Variants in PIBF1 observed in about 807,000 individuals in gnomAD.
The protein encoded by PIBF1 is progesterone-induced-blocking factor 1.
A neutral mutation model predicts 112.5 loss-of-function variants in PIBF1; 90 were observed. The observed-to-expected ratio is 0.80, with a 90% CI of 0.67 to 0.95. The LOEUF (loss-of-function observed/expected upper bound fraction) is 0.95. Among genes scored for constraint, PIBF1 ranks in the 40% least tolerant of loss-of-function variants. The pLI is 0.00. For synonymous variants in PIBF1, 301 were observed against 288.6 expected (o/e 1.04, Z -0.44); for missense variants, 915 against 852.3 (o/e 1.07, Z -0.92).
At chr13:72,806,585 A>G (rs1366869360) in intron 5 of PIBF1, among the ~76,000 whole-genome samples, 1 of 151,652 alleles carries the variant, frequency 6.6e-6, no homozygotes, top group East Asian at 1.9e-4. Context: ...AAGTGTTCTC[A>G]TTGTTCACCT....
chr13:72,812,951 C>A lies in PIBF1; in HGVS notation c.673-8898C>A, dbSNP rs143677636. ...CCTGTGTAAGAGTGAGACTCCGCCT[C>A]AAAAAAAAGAAAGAAAAAAGAAAAG... On this transcript the variant is annotated intron_variant, in intron 5 of 17. Transcript: ENST00000326291. 7.6e-3 allele frequency among the ~76,000 whole-genome samples: 1,149 copies of A among 150,584 alleles called. 14 individuals are homozygous for A. Among genetic ancestry groups the A allele is most frequent in the Middle Eastern group, 0.014 (4 of 294 alleles).
At chr13:72,877,806 G>A (rs1341433946) in intron 10 of PIBF1, among the ~76,000 whole-genome samples, 2 of 149,756 alleles carry the variant, frequency 1.3e-5, no homozygotes, top group African/African-American at 4.9e-5. Context: ...CTGGAGTACA[G>A]TGGCACAATC....
At chr13:72,838,075 T>A (rs2037439841) in intron 9 of PIBF1, among the ~76,000 whole-genome samples, 1 of 152,214 alleles carries the variant, frequency 6.6e-6, no homozygotes, top group South Asian at 2.1e-4. Context: ...TATACACCTA[T>A]TAAATGCTAA....
intron 16 of PIBF1, among the ~76,000 whole-genome samples, chr13:72,987,873 T>A (rs1594323121): frequency 8.5e-6 from 1 of 117,086 alleles, no homozygotes; most frequent in Non-Finnish European, 1.8e-5. Context: ...TTTTTTTTTT[T>A]TTTTTTTTGA....
chr13:72,927,162 G>A (rs929597039), intron 13 of PIBF1, among the ~76,000 whole-genome samples: 1 of 151,082 alleles, frequency 6.6e-6, no homozygotes, highest in African/African-American at 2.4e-5. Flanking sequence ...TCTGCCTCCC[G>A]GGTTCAATAG....
At chr13:72,995,073 G>T (rs1347096576) in intron 16 of PIBF1, among the ~76,000 whole-genome samples, 1 of 152,024 alleles carries the variant, frequency 6.6e-6, no homozygotes, top group Non-Finnish European at 1.5e-5. Flanking sequence ...AGGCTGAGGT[G>T]GGTGAATCAT....
intron 13 of PIBF1, among the ~76,000 whole-genome samples, chr13:72,921,048 T>G (rs1172438314): frequency 6.6e-6 from 1 of 152,188 alleles, no homozygotes; most frequent in Non-Finnish European, 1.5e-5. Flanking sequence ...TAGCATTTAA[T>G]TGGAAGGAGA....
At position 72,979,752 on chromosome 13, in the gene PIBF1, C is replaced by A. The variant is rs535076902; in HGVS notation, c.2049+6077C>A. On this transcript the variant is annotated intron_variant, in intron 16 of 17. Transcript: ENST00000326291. Reference sequence around the variant, plus strand: ...TCCTGGCTAACACAGTGAAACCTGTCCCTACTAAAAATAGAAAAATTTAGC... The same window carrying A: ...TCCTGGCTAACACAGTGAAACCTGTACCTACTAAAAATAGAAAAATTTAGC... Among the ~76,000 whole-genome samples the A allele has an allele frequency of 3.3e-5, 5 of 152,104 alleles. No individual in the cohort carries two copies. The South Asian group carries it at 8.3e-4, about 25-fold the overall frequency.
intron 13 of PIBF1, among the ~76,000 whole-genome samples, chr13:72,928,301 T>C (rs1342710720): frequency 2.6e-5 from 4 of 152,000 alleles, no homozygotes; most frequent in Admixed American, 1.3e-4. Flanking sequence ...AGTATATTTG[T>C]AAGCAATTTG....
chr13:72,886,589 T>C, intron 10 of PIBF1, among the ~76,000 whole-genome samples: 1 of 152,060 alleles, frequency 6.6e-6, no homozygotes. Context: ...TTTGACTTTA[T>C]AAGATGGCCA....
intron 3 of PIBF1, 85 bp from the exon 4 acceptor site, chr13:72,795,274 T>G (rs1008567859): frequency 3.7e-6 from 3 of 819,996 alleles, no homozygotes; most frequent in East Asian, 2.6e-5. Flanking sequence ...TTTCCTAACT[T>G]TATGTTGATA....
At position 72,908,671 on chromosome 13, in the gene PIBF1, A is replaced by G. The variant is rs747511340; in HGVS notation, c.1629A>G (p.Gln543=). The change falls in exon 12 of 18, where the codon CAA becomes CAG. Residue 543 remains glutamine, a synonymous_variant. Coordinates refer to ENST00000326291, the MANE Select transcript of PIBF1 (RefSeq NM_006346.4). The part of the protein sequence containing the change: ...LEKELDEIIM[Q]TAEIENEDEA... Reference sequence around the variant, plus strand: ...AAGAGCTTGATGAAATAATAATGCAAACTGCAGAAAGTAAGTCTTCCCCCA... The same window carrying G: ...AAGAGCTTGATGAAATAATAATGCAGACTGCAGAAAGTAAGTCTTCCCCCA... 6.2e-7 allele frequency: 1 copy of G among 1,612,038 alleles called. No individual in the cohort carries two copies. Among genetic ancestry groups the G allele is most frequent in the African/African-American group, 1.3e-5 (1 of 74,798 alleles).
In PIBF1 at chr13:72,946,455, A is replaced by G. The variant is rs189427119; in HGVS notation, c.1833+15188A>G. ...ATCATTCTGCACCTGGACCCTCCCAAATCTCATGTCCTCATATTTCAAAAC... is the reference window on the plus strand; with the variant it reads ...ATCATTCTGCACCTGGACCCTCCCAGATCTCATGTCCTCATATTTCAAAAC... On this transcript the variant is annotated intron_variant, in intron 14 of 17. Coordinates refer to ENST00000326291, the MANE Select transcript of PIBF1 (RefSeq NM_006346.4). 2.6e-3 allele frequency among the ~76,000 whole-genome samples: 392 copies of G among 152,156 alleles called. 4 individuals carry two copies. Among genetic ancestry groups the G allele is most frequent in the Admixed American group, 6.5e-3 (99 of 15,288 alleles).
intron 15 of PIBF1, among the ~76,000 whole-genome samples, chr13:72,968,059 C>T (rs1040775945): frequency 6.6e-6 from 1 of 151,528 alleles, no homozygotes; most frequent in African/African-American, 2.4e-5. Flanking sequence ...TGGCGGGCGC[C>T]TGTAGTCCCA....
chr13:72,796,559 G>T (rs1234972092), intron 4 of PIBF1, among the ~76,000 whole-genome samples: 1 of 151,956 alleles, frequency 6.6e-6, no homozygotes, highest in Admixed American at 6.6e-5. Flanking sequence ...TGTTTTTGCT[G>T]GAGTGGTGGT....
chr13:72,943,702 C>T (rs1019818169), intron 14 of PIBF1, among the ~76,000 whole-genome samples: 15 of 152,174 alleles, frequency 9.9e-5, no homozygotes, highest in Non-Finnish European at 2.1e-4. Context: ...ACTTTGTTAC[C>T]TTCGTACTCC....
chr13:72,852,208 C>T (rs1594052120), intron 9 of PIBF1, among the ~76,000 whole-genome samples: 1 of 151,730 alleles, frequency 6.6e-6, no homozygotes, highest in East Asian at 1.9e-4. Context: ...TTTGGGGAGC[C>T]CAGACCTAGG....
intron 16 of PIBF1, among the ~76,000 whole-genome samples, chr13:72,997,194 AAGAGATGTTCTTTC>A (rs2043705746): frequency 6.6e-6 from 1 of 152,154 alleles, no homozygotes; most frequent in Non-Finnish European, 1.5e-5. Context: ...GTGGCTAATA[AAGAGATGTTCTTTC>A]AGATAGAAAG....
At chr13:72,927,944 T>A (rs2041542011) in intron 13 of PIBF1, among the ~76,000 whole-genome samples, 1 of 91,358 alleles carries the variant, frequency 1.1e-5, no homozygotes, top group African/African-American at 6.8e-5. Context: ...AATATATGTG[T>A]GTATATATAT....
Sources: allele counts gnomAD v4.1 joint callset (sites outside exome capture counted in the v4.1 genomes callset), GRCh38; gene constraint gnomAD v4.1.1; transcripts MANE v1.5; gene names NCBI Gene and HGNC (gene_info 2026-07-23, HGNC 2026-07-21).